TPRA1: variants seen among roughly 807,000 people sequenced by gnomAD.
The protein encoded by TPRA1 is transmembrane protein adipocyte-associated 1.
Under a neutral mutation model 40.1 loss-of-function variants are expected in TPRA1, and 28 were observed. The ratio of observed to expected loss-of-function variants is 0.70; its 90% CI spans 0.52 to 0.96. The LOEUF is 0.96. Ranked by LOEUF, TPRA1 falls within the 40% of genes least tolerant of loss-of-function variation. The pLI is 0.00. For synonymous variants in TPRA1, 219 were observed against 209.7 expected, an observed-to-expected ratio of 1.04 and a Z score of -0.38; for missense variants, 441 against 482.6, an observed-to-expected ratio of 0.91 and a Z score of 0.81.
chr3:127,589,844 C>A (rs1057303996), intron 1 of TPRA1, among the ~76,000 whole-genome samples: 1 of 152,224 alleles, frequency 6.6e-6, no homozygotes, highest in Non-Finnish European at 1.5e-5. Context: ...ACGGGAACAA[C>A]TGAATCTCCA....
chr3:127,588,699 G>A (rs1048328465), intron 1 of TPRA1, among the ~76,000 whole-genome samples: 23 of 152,242 alleles, frequency 1.5e-4, no homozygotes, highest in Non-Finnish European at 8.8e-5. Flanking sequence ...ACGATTACAG[G>A]CATGAGCCAC....
At position 127,576,039 on chromosome 3, in the gene TPRA1, C is replaced by A. The variant is rs1272785703; in HGVS notation, c.510G>T (p.Glu170Asp). Reference sequence around the variant, plus strand: ...AGAGATGGGCATCAGGGTACAGGATCTCCAGGGTCCCCTGCAGGGGCAAGC... The same window carrying A: ...AGAGATGGGCATCAGGGTACAGGATATCCAGGGTCCCCTGCAGGGGCAAGC... The part of the protein sequence containing the change: ...LAYSVTQGTL[E>D]ILYPDAHLSA... Residue 170 changes from glutamate to aspartate, a missense_variant, in exon 7 of 11, where the codon GAG becomes GAT. Coordinates refer to ENST00000355552, the MANE Select transcript of TPRA1 (RefSeq NM_001136053.4). This position sits in a 1 kb window ranked among gnomAD's most constrained non-coding sequence, Gnocchi z 4.6. 4 of 1,613,724 alleles carry A rather than the reference C, an allele frequency of 2.5e-6. No individual in the cohort carries two copies. The highest frequency in any genetic ancestry group is 2.5e-6 in the Non-Finnish European group (3 of 1,179,934).
rs996811070 is a variant in TPRA1 at position 127,573,860 on chromosome 3, T to A, written c.855-72A>T. 2.0e-6 allele frequency: 3 copies of A among 1,494,342 alleles called. No homozygotes were observed. The African/African-American group carries it at 4.2e-5, about 21-fold the overall frequency. 92.6% of individuals were successfully genotyped at this position (1,494,342 alleles called of 1,614,324 possible). On this transcript the variant is annotated intron_variant, in intron 10 of 10. Transcript: ENST00000355552. The stretch of plus-strand genomic sequence containing the variant: ...GGAAGAGCCTTCCTCTCCAGGCTGA[T>A]GGGGCCACCAGATAAGGAAGGAATT...
At chr3:127,583,415 T>G (rs1325020614) in intron 1 of TPRA1, among the ~76,000 whole-genome samples, 1 of 152,138 alleles carries the variant, frequency 6.6e-6, no homozygotes, top group Non-Finnish European at 1.5e-5. Flanking sequence ...GGAGTATGGC[T>G]TGAGCCCAGG....
chr3:127,576,026 C>T lies in TPRA1; in HGVS notation c.523G>A (p.Asp175Asn), dbSNP rs2073609400. 2.5e-6 allele frequency: 4 copies of T among 1,614,022 alleles called. No homozygotes were observed. The highest frequency in any genetic ancestry group is 3.4e-6 in the Non-Finnish European group (4 of 1,180,012). ...TQGTLEILYP[D>N]AHLSAEDFNI... is the part of the protein sequence containing the mutation. ...AAGTCCTCAGCTGAGAGATGGGCATCAGGGTACAGGATCTCCAGGGTCCCC... is the reference window on the plus strand; with the variant it reads ...AAGTCCTCAGCTGAGAGATGGGCATTAGGGTACAGGATCTCCAGGGTCCCC... Residue 175 changes from aspartate (D) to asparagine (N), a missense_variant, in exon 7 of 11, where the codon GAT (aspartate) becomes AAT (asparagine). Physicochemically the swap from Asp to Asn is conservative, Grantham distance 23 (BLOSUM62 1). Coordinates refer to ENST00000355552, the MANE Select transcript of TPRA1 (RefSeq NM_001136053.4). This position sits in a 1 kb window ranked among gnomAD's most constrained non-coding sequence, Gnocchi z 4.6.
chr3:127,577,038 C>A lies in TPRA1; in HGVS notation c.297G>T (p.Val99=). ...TCGAGGTGCTCACCGTCATGGATAC[C>A]ACGGCCCGGGCAATGCCCACCAGCG... ...VVALVGIARA[V]VSMTVSTSNA... The change falls in exon 4 of 11, where the codon GTG becomes GTT. Residue 99 remains valine (V), a synonymous_variant. Transcript: ENST00000355552. 1.2e-6 allele frequency: 2 copies of A among 1,613,630 alleles called. No individual in the cohort carries two copies. The highest frequency in any genetic ancestry group is 1.7e-6 in the Non-Finnish European group (2 of 1,180,018).
chr3:127,587,866 C>T (rs569633914), intron 1 of TPRA1, among the ~76,000 whole-genome samples: 2 of 152,082 alleles, frequency 1.3e-5, no homozygotes, highest in African/African-American at 4.8e-5. Context: ...GTTCCCAGGT[C>T]CATGGACCTC....
intron 1 of TPRA1, 115 bp from the exon 2 acceptor site, chr3:127,580,278 ACCACCCTCC>A (rs1053118794): frequency 4.1e-5 from 50 of 1,214,342 alleles, no homozygotes; most frequent in Admixed American, 1.3e-4. Flanking sequence ...ACCCCTGTAA[ACCACCCTCC>A]CCACCCACTG....
At chr3:127,578,014 G>T (rs934841670) in intron 3 of TPRA1, among the ~76,000 whole-genome samples, 1 of 152,198 alleles carries the variant, frequency 6.6e-6, no homozygotes, top group African/African-American at 2.4e-5. Flanking sequence ...GGAGATCCCA[G>T]GCTGAGTGGG....
chr3:127,588,061 G>C (rs1157155867), intron 1 of TPRA1: 1 of 152,320 alleles, frequency 6.6e-6, no homozygotes, highest in African/African-American at 2.4e-5. Flanking sequence ...CAGAGGGGCA[G>C]CCACTTGCCA....
intron 10 of TPRA1, 141 bp downstream of exon 10, chr3:127,575,044 G>A (rs2073540782): frequency 2.3e-6 from 2 of 858,832 alleles, no homozygotes; most frequent in Non-Finnish European, 3.6e-6. Context: ...GTATGTGTGT[G>A]CCCAAGTGCA....
upstream of TPRA1, among the ~76,000 whole-genome samples, chr3:127,592,551 A>G (rs920239994): frequency 1.3e-5 from 2 of 149,544 alleles, no homozygotes; most frequent in East Asian, 3.9e-4. Context: ...GCGCCCGGCT[A>G]ATTTTTTGTA....
chr3:127,575,654 C>T (rs1398344698), intron 8 of TPRA1, 95 bp downstream of exon 8: 31 of 1,545,190 alleles, frequency 2.0e-5, no homozygotes, highest in Non-Finnish European at 2.8e-5. Context: ...CAGCCTGGAA[C>T]TCTACAGCTC....
chr3:127,598,221 C>G (rs1361831009), upstream of TPRA1: 1 of 596,176 alleles, frequency 1.7e-6, no homozygotes, highest in Non-Finnish European at 3.0e-6. Context: ...CACCACAGCG[C>G]AGGCGAGCGC....
chr3:127,587,619 C>T (rs79983121), intron 1 of TPRA1, among the ~76,000 whole-genome samples: 21,147 of 151,814 alleles, frequency 0.14, 2,052 homozygotes, highest in Non-Finnish European at 0.2. Flanking sequence ...TCAAACAAAA[C>T]CAGGGATGTA....
At chr3:127,592,061 A>G (rs936394679), upstream of TPRA1, 12 of 152,262 alleles carry the variant, frequency 7.9e-5, no homozygotes, top group African/African-American at 2.9e-4. Context: ...TATATTCGCC[A>G]GAGAGGCTGG....
At chr3:127,592,827 C>T (rs2074202354), upstream of TPRA1, among the ~76,000 whole-genome samples, 1 of 152,152 alleles carries the variant, frequency 6.6e-6, no homozygotes, top group African/African-American at 2.4e-5. Flanking sequence ...CTACGTTGTA[C>T]CCGGATGGAC....
At position 127,573,745 on chromosome 3, in the gene TPRA1, C is replaced by T. The variant is rs372625321; in HGVS notation, c.898G>A (p.Glu300Lys). 3.6e-5 allele frequency: 57 copies of T among 1,591,786 alleles called. No homozygotes were observed. The highest frequency in any genetic ancestry group is 4.6e-5 in the Non-Finnish European group (54 of 1,163,776). ...AGGTGTACATCTGGCTCCTCTGTCT[C>T]GTCCACTTGGCATTTGTAGGAGAAG... ...ILFSYKCQVD[E>K]TEEPDVHLPQ... is the part of the protein sequence containing the mutation. The change falls in exon 11 of 11, where the codon GAG (glutamate) becomes AAG (lysine). Residue 300 changes from glutamate (E) to lysine (K), a missense_variant. Coordinates refer to ENST00000355552, the MANE Select transcript of TPRA1 (RefSeq NM_001136053.4).
rs2073383968 is a variant in TPRA1 at position 127,571,801 on chromosome 3, A to G, written c.*1720T>C. ...TGCATGAACCTTTTTTTTTCTTGCC[A>G]TGTACATATATGACCTATTTTTAAA... On this transcript the variant is annotated 3_prime_UTR_variant, in exon 11 of 11. Coordinates refer to ENST00000355552, the MANE Select transcript of TPRA1 (RefSeq NM_001136053.4). 6.6e-6 allele frequency: 1 copy of G among 151,988 alleles called. No individual in the cohort carries two copies. Among genetic ancestry groups the G allele is most frequent in the African/African-American group, 2.4e-5 (1 of 41,384 alleles). The allele number at this position is 151,988 out of a possible 1,614,324, so 9.4% of individuals were successfully genotyped here. A position where few individuals can be genotyped will look rare whatever the true frequency, so the allele number is the denominator to read the frequency against.
Sources: gnomAD v4.1 joint callset for allele counts (sites outside exome capture counted in the v4.1 genomes callset) on GRCh38, gnomAD v4.1.1 for gene constraint, Gnocchi (gnomAD v3.1) non-coding constraint, MANE v1.5 for transcripts, NCBI Gene and HGNC (gene_info 2026-07-23, HGNC 2026-07-21) for gene names.